Variants in DISP3 observed in about 807,000 individuals in gnomAD.
DISP3 encodes the protein protein dispatched homolog 3.
Under a neutral mutation model 135.3 loss-of-function variants are expected in DISP3, and 101 were observed. The observed-to-expected ratio is 0.75, with a 90% confidence interval of 0.64 to 0.88. The LOEUF (loss-of-function observed/expected upper bound fraction) is 0.88. DISP3 is among the 40% of genes least tolerant of loss of function. DISP3 has a pLI of 0.00. For synonymous variants in DISP3, 856 were observed against 817.0 expected (o/e 1.05, Z -0.81); for missense variants, 1,713 against 1,878.6 (o/e 0.91, Z 1.63).
chr1:11,522,860 A>ACCTAGCCAGAG (rs1642274756), intron 10 of DISP3, among the ~76,000 whole-genome samples: 1 of 52,382 alleles, frequency 1.9e-5, no homozygotes. Flanking sequence ...CCCAGCCAGG[A>ACCTAGCCAGAG]CCCAGCCAGA....
At chr1:11,506,329 C>T (rs1374977245) in intron 3 of DISP3, among the ~76,000 whole-genome samples, 8 of 152,180 alleles carry the variant, frequency 5.3e-5, no homozygotes, top group Admixed American at 5.2e-4. Context: ...TTCAGATTTG[C>T]TTCTATCTTG....
At chr1:11,522,304 A>T (rs1380950670) in intron 10 of DISP3, among the ~76,000 whole-genome samples, 1 of 152,074 alleles carries the variant, frequency 6.6e-6, no homozygotes, top group Non-Finnish European at 1.5e-5. Context: ...GCTGAGATCA[A>T]CCTGGCCTTC....
rs528812390 is a variant in DISP3 at position 11,513,224 on chromosome 1, T to C, written c.1317-1166T>C. Among the ~76,000 whole-genome samples, 4 of 152,208 alleles carry C rather than the reference T, an allele frequency of 2.6e-5. No individual in the cohort carries two copies. In the East Asian group the frequency reaches 7.7e-4, roughly 29 times the overall value. On this transcript the variant is annotated intron_variant, in intron 3 of 20. Coordinates refer to ENST00000294484, the MANE Select transcript of DISP3 (RefSeq NM_020780.2). ...GTTTGAGCCCAGGAGTTAGAGGCCA[T>C]AGTGAGCTATGATCATGCCATTGCA...
In DISP3 at chr1:11,501,288, T is replaced by C. The variant is rs753070500; in HGVS notation, c.296T>C (p.Leu99Pro). Residue 99 changes from leucine to proline, a missense_variant, in exon 2 of 21, where the codon CTG (leucine) becomes CCG (proline). Transcript: ENST00000294484. This position sits in a 1 kb window ranked among gnomAD's most constrained non-coding sequence, Gnocchi z 4.9. ...TTCATGTTCCTTTACTACCCACCGC[T>C]GGACATTGACATCTCCTACAACGCC... ...SAFMFLYYPP[L>P]DIDISYNAFE... 1 of 1,614,010 alleles carries C rather than the reference T, an allele frequency of 6.2e-7. No individual in the cohort carries two copies. The highest frequency in any genetic ancestry group is 1.3e-5 in the African/African-American group (1 of 74,922).
At chr1:11,534,670 G>A (rs972574721) in intron 18 of DISP3, 130 bp downstream of exon 18, 17 of 1,250,636 alleles carry the variant, frequency 1.4e-5, no homozygotes, top group East Asian at 5.1e-5. Flanking sequence ...CGGGTGGCAC[G>A]GTGGCTGGGA....
chr1:11,536,630 CT>C lies in DISP3; in HGVS notation c.4124del (p.Leu1375ProfsTer150). ...LAGALGLGAC[L>X]VLLQSGYKIP... ...AGGGGCCCTGGGGCTGGGTGCCTGC[CT>C]CGTGCTCCTGCAGAGCGGCTATAAG... On this transcript the variant is annotated frameshift_variant, in exon 21 of 21. Transcript: ENST00000294484. LOFTEE classifies it high-confidence loss of function. This position sits in a 1 kb window ranked among gnomAD's most constrained non-coding sequence, Gnocchi z 4.3. 1.9e-6 allele frequency: 3 copies of C among 1,605,370 alleles called. No individual in the cohort carries two copies. Among genetic ancestry groups the C allele is most frequent in the Non-Finnish European group, 2.5e-6 (3 of 1,177,240 alleles).
At chr1:11,533,737 G>GCACACACGCACA (rs1277195286) in intron 17 of DISP3, 6 of 556,218 alleles carry the variant, frequency 1.1e-5, no homozygotes, top group Non-Finnish European at 6.4e-6. Context: ...AGACACGCAT[G>GCACACACGCACA]CACACACACA....
intron 3 of DISP3, among the ~76,000 whole-genome samples, chr1:11,504,842 C>T (rs1294603732): frequency 1.3e-5 from 2 of 152,208 alleles, no homozygotes; most frequent in Admixed American, 1.3e-4. Context: ...ATAAATTACC[C>T]AGTCTCAGGT....
Position 11,524,002 on chromosome 1 carries a change from A to G in DISP3, c.2423A>G (p.Lys808Arg), listed in dbSNP as rs1470528206. The G allele has an allele frequency of 1.2e-6, 2 of 1,613,250 alleles. No homozygotes were observed. Among genetic ancestry groups the G allele is most frequent in the Non-Finnish European group, 1.7e-6 (2 of 1,179,630 alleles). ...QNNIRTSLEK[K>R]RRGSGVPWAS... The stretch of plus-strand genomic sequence containing the variant: ...AACATCCGGACGTCCCTGGAGAAGA[A>G]GAGGCGAGGCTCAGGGGTCCCCTGG... Residue 808 changes from lysine to arginine, a missense_variant, in exon 11 of 21, where the codon AAG becomes AGG. Lys to Arg is a conservative substitution (Grantham distance 26). This residue lies in a region of DISP3 where 1,142 missense variants were observed against 1,384.6 expected (regional missense o/e 0.82). Coordinates refer to ENST00000294484, the MANE Select transcript of DISP3 (RefSeq NM_020780.2).
Position 11,531,533 on chromosome 1 carries a change from C to T in DISP3, c.3230-32C>T. On this transcript the variant is annotated intron_variant, in intron 16 of 20. Transcript: ENST00000294484. This position sits in a 1 kb window ranked among gnomAD's most constrained non-coding sequence, Gnocchi z 5.2. ...AGGGGGACAGGCTCTTCCAGGGCCA[C>T]CACGCACTCCCTTTCTTGCCTCTCC... The T allele has an allele frequency of 6.2e-7, 1 of 1,612,818 alleles. No individual in the cohort carries two copies. Among genetic ancestry groups the T allele is most frequent in the South Asian group, 1.1e-5 (1 of 91,068 alleles).
rs994785245 is a variant in DISP3 at position 11,487,901 on chromosome 1, A to T, written c.-4+8529A>T. Among the ~76,000 whole-genome samples the T allele has an allele frequency of 5.6e-4, 86 of 152,306 alleles. 1 individual carries two copies. The highest frequency in any genetic ancestry group is 2.0e-3 in the African/African-American group (84 of 41,584). On this transcript the variant is annotated intron_variant, in intron 1 of 20. Coordinates refer to ENST00000294484, the MANE Select transcript of DISP3 (RefSeq NM_020780.2). ...TTTTGACCTTCTCAACTGGTTCCCC[A>T]GCCCTAAATTACCCCATCCTCTCTC... is the stretch of plus-strand genomic sequence containing the variant.
At chr1:11,534,309 C>A in intron 17 of DISP3, 72 bp from the exon 18 acceptor site, 1 of 1,569,692 alleles carries the variant, frequency 6.4e-7, no homozygotes, top group Non-Finnish European at 8.8e-7. Flanking sequence ...GCAGAACAGA[C>A]CAGCCATGCC....
chr1:11,492,950 A>G (rs1641229859), intron 1 of DISP3, among the ~76,000 whole-genome samples: 1 of 152,168 alleles, frequency 6.6e-6, no homozygotes, highest in Non-Finnish European at 1.5e-5. Flanking sequence ...GGGCCCTAGG[A>G]TCCAGCTGCT....
intron 3 of DISP3, among the ~76,000 whole-genome samples, chr1:11,507,907 A>G (rs1036939800): frequency 6.6e-6 from 1 of 152,264 alleles, no homozygotes; most frequent in Non-Finnish European, 1.5e-5. Context: ...GTGTGAATGA[A>G]TAAATGATTG....
At position 11,535,108 on chromosome 1, in the gene DISP3, G is replaced by A; in HGVS notation, c.3633G>A (p.Val1211=). 2 of 1,607,132 alleles carry A rather than the reference G, an allele frequency of 1.2e-6. No individual in the cohort carries two copies. The highest frequency in any genetic ancestry group is 1.7e-6 in the Non-Finnish European group (2 of 1,177,704). ...CCCACATCCTGCTCCTGCTGCCCGTGCTCCTCAGCATCTTGGGTACGTGGG... is the reference window on the plus strand; with the variant it reads ...CCCACATCCTGCTCCTGCTGCCCGTACTCCTCAGCATCTTGGGTACGTGGG... ...FTTHILLLLP[V]LLSILGIVCL... Residue 1211 remains valine (V), a synonymous_variant, in exon 19 of 21, where the codon GTG becomes GTA. Coordinates refer to ENST00000294484, the MANE Select transcript of DISP3 (RefSeq NM_020780.2).
At position 11,531,010 on chromosome 1, in the gene DISP3, G is replaced by T. The variant is rs1473987348; in HGVS notation, c.3206G>T (p.Gly1069Val). The T allele has an allele frequency of 6.2e-7, 1 of 1,613,868 alleles. No homozygotes were observed. The highest frequency in any genetic ancestry group is 8.5e-7 in the Non-Finnish European group (1 of 1,180,000). The change falls in exon 16 of 21, where the codon GGT becomes GTT. Residue 1069 changes from glycine to valine, a missense_variant. Around this residue, in one of 2 missense-constraint regions of DISP3, gnomAD observed 1,142 missense variants for 1,384.6 expected, o/e 0.82. Coordinates refer to ENST00000294484, the MANE Select transcript of DISP3 (RefSeq NM_020780.2). The surrounding 1 kb of genome is among the most constrained non-coding windows in gnomAD (Gnocchi z 5.2). ...IAANSELVKP[G>V]GAQCLPSGYS... ...GCCAACTCCGAGCTGGTGAAGCCGG[G>T]TGGGGCCCAGTGCCTGCCTTCAGGT... is the stretch of plus-strand genomic sequence containing the variant.
rs375001174 is a variant in DISP3 at position 11,501,069 on chromosome 1, A to G, written c.77A>G (p.Glu26Gly). 1.7e-5 allele frequency: 28 copies of G among 1,614,116 alleles called. No homozygotes were observed. Among genetic ancestry groups the G allele is most frequent in the Admixed American group, 6.7e-5 (4 of 60,024 alleles). ...EEQEEEEATG[E>G]TFLGAQKPGP... ...CAGGAGGAGGAAGAAGCAACGGGTG[A>G]AACCTTTTTAGGGGCCCAGAAGCCA... Residue 26 changes from glutamate (E) to glycine (G), a missense_variant, in exon 2 of 21, where the codon GAA becomes GGA. This residue lies in a region of DISP3 where 571 missense variants were observed against 494.1 expected (regional missense o/e 1.16). Coordinates refer to ENST00000294484, the MANE Select transcript of DISP3 (RefSeq NM_020780.2). The surrounding 1 kb of genome is among the most constrained non-coding windows in gnomAD (Gnocchi z 4.9).
chr1:11,522,703 AG>A (rs1642255906), intron 10 of DISP3, among the ~76,000 whole-genome samples: 21 of 134,410 alleles, frequency 1.6e-4, no homozygotes, highest in African/African-American at 2.8e-4. Flanking sequence ...GGGCCCAGCC[AG>A]GACCCAGCCA....
At chr1:11,522,945 A>AG (rs1642286243) in intron 10 of DISP3, among the ~76,000 whole-genome samples, 2 of 138,222 alleles carry the variant, frequency 1.4e-5, no homozygotes, top group Non-Finnish European at 3.2e-5. Flanking sequence ...GGACCCAGCC[A>AG]GAGCCCAACC....
Sources: gnomAD v4.1 joint callset for allele counts (sites outside exome capture counted in the v4.1 genomes callset) on GRCh38, gnomAD v4.1.1 for gene constraint, gnomAD v4.1.1 regional missense constraint, Gnocchi (gnomAD v3.1) non-coding constraint, MANE v1.5 for transcripts, NCBI Gene and HGNC (gene_info 2026-07-23, HGNC 2026-07-21) for gene names.